Variants in SERINC1 observed in about 807,000 individuals in gnomAD.
SERINC1 encodes serine incorporator 1.
In SERINC1, 38 loss-of-function variants were observed where a neutral mutation model predicts 52.9. The observed-to-expected ratio is 0.72, with a 90% confidence interval of 0.55 to 0.94. The LOEUF (loss-of-function observed/expected upper bound fraction) is 0.94, where lower values mean the gene tolerates loss of function less well. Ranked by LOEUF, SERINC1 falls within the 40% of genes least tolerant of loss-of-function variation. The pLI is 0.00. For synonymous variants in SERINC1, 198 were observed against 183.1 expected, an observed-to-expected ratio of 1.08 and a Z score of -0.66; for missense variants, 471 against 533.9, an observed-to-expected ratio of 0.88 and a Z score of 1.16.
At chr6:122,446,235 G>T (rs1774798055) in intron 9 of SERINC1, among the ~76,000 whole-genome samples, 1 of 151,762 alleles carries the variant, frequency 6.6e-6, no homozygotes, top group African/African-American at 2.4e-5. Flanking sequence ...AAGATTTATG[G>T]ATTAAGTTTG....
intron 5 of SERINC1, among the ~76,000 whole-genome samples, 195 bp downstream of exon 5, chr6:122,453,575 C>T (rs1449217521): frequency 6.6e-6 from 1 of 151,944 alleles, no homozygotes; most frequent in Non-Finnish European, 1.5e-5. Flanking sequence ...GGTTATGTTC[C>T]CAGTTAATCT....
chr6:122,456,681 A>T (rs1775002720), intron 2 of SERINC1, 31 bp from the exon 3 acceptor site: 1 of 1,472,262 alleles, frequency 6.8e-7, no homozygotes. Flanking sequence ...ATGATCCATC[A>T]TTTTTTTTCA....
At chr6:122,450,636 C>A (rs537093137) in intron 7 of SERINC1, among the ~76,000 whole-genome samples, 15 of 152,252 alleles carry the variant, frequency 9.9e-5, no homozygotes, top group Non-Finnish European at 2.9e-5. Context: ...GGAAAAGATT[C>A]ACCATTCTAG....
Position 122,445,142 on chromosome 6 carries a change from C to G in SERINC1, c.1264G>C (p.Ala422Pro). 1.2e-6 allele frequency: 2 copies of G among 1,614,088 alleles called. No individual in the cohort carries two copies. Among genetic ancestry groups the G allele is most frequent in the Admixed American group, 1.7e-5 (1 of 60,038 alleles). Residue 422 changes from alanine (A) to proline (P), a missense_variant, in exon 10 of 10, where the codon GCT (alanine) becomes CCT (proline). Transcript: ENST00000339697. ...CTGGAAGAGATTTTCACCCAGACAGCTGTCCACTGACTTTTCATCTCACGA... is the reference window on the plus strand; with the variant it reads ...CTGGAAGAGATTTTCACCCAGACAGGTGTCCACTGACTTTTCATCTCACGA... The part of the protein sequence containing the change: ...PSREMKSQWT[A>P]VWVKISSSWI...
intron 3 of SERINC1, chr6:122,454,704 A>C (rs550413116): frequency 6.5e-6 from 1 of 154,176 alleles, no homozygotes; most frequent in African/African-American, 2.4e-5. Flanking sequence ...CCCCAGTTAA[A>C]GTAGGCGCTT....
intron 1 of SERINC1, among the ~76,000 whole-genome samples, chr6:122,459,727 A>G (rs964418687): frequency 1.2e-4 from 18 of 152,208 alleles, no homozygotes; most frequent in African/African-American, 4.3e-4. Flanking sequence ...GAAAAATAAA[A>G]AATATTTTTT....
At chr6:122,459,048 C>G (rs904949297) in intron 1 of SERINC1, among the ~76,000 whole-genome samples, 3 of 152,230 alleles carry the variant, frequency 2.0e-5, no homozygotes, top group South Asian at 4.1e-4. Flanking sequence ...CTTTAGCCCC[C>G]AGATACTAGA....
chr6:122,468,231 T>C, intron 1 of SERINC1, among the ~76,000 whole-genome samples: 1 of 152,238 alleles, frequency 6.6e-6, no homozygotes, highest in South Asian at 2.1e-4. Context: ...ATACAATGTT[T>C]TTCTTAAACT....
At chr6:122,454,051 C>G (rs1774956561) in intron 4 of SERINC1, 100 bp downstream of exon 4, 1 of 1,123,700 alleles carries the variant, frequency 8.9e-7, no homozygotes, top group Non-Finnish European at 1.3e-6. Context: ...CACACACACA[C>G]CCCCAAACAA....
At chr6:122,457,832 C>T (rs577048620) in intron 2 of SERINC1, among the ~76,000 whole-genome samples, 29 of 147,492 alleles carry the variant, frequency 2.0e-4, no homozygotes, top group East Asian at 8.0e-4. Context: ...TACATGTACA[C>T]GATACAATAC....
intron 5 of SERINC1, among the ~76,000 whole-genome samples, chr6:122,452,840 C>T (rs1774935221): frequency 6.6e-6 from 1 of 151,960 alleles, no homozygotes; most frequent in African/African-American, 2.4e-5. Context: ...TCTTTGAGCA[C>T]CAAATTATTT....
chr6:122,460,870 C>T (rs549503976), intron 1 of SERINC1, among the ~76,000 whole-genome samples: 4 of 152,148 alleles, frequency 2.6e-5, no homozygotes, highest in Non-Finnish European at 5.9e-5. Context: ...GATAATGTTA[C>T]GGACAGACAT....
intron 1 of SERINC1, among the ~76,000 whole-genome samples, chr6:122,468,417 T>C (rs1329772632): frequency 6.6e-6 from 1 of 152,186 alleles, no homozygotes; most frequent in Non-Finnish European, 1.5e-5. Flanking sequence ...TCTGCAGATA[T>C]TGCCAAATGC....
chr6:122,446,893 G>A lies in SERINC1; in HGVS notation c.1107C>T (p.Asp369=), dbSNP rs766721944. Residue 369 remains aspartate (D), a synonymous_variant, in exon 9 of 10, where the codon GAC becomes GAT. Coordinates refer to ENST00000339697, the MANE Select transcript of SERINC1 (RefSeq NM_020755.4). Reference sequence around the variant, plus strand: ...CATTATCTACAGCTCGGTGAACATCGTCCCCATCCTCCAGTGATCCATCAC... The same window carrying A: ...CATTATCTACAGCTCGGTGAACATCATCCCCATCCTCCAGTGATCCATCAC... ...ARSDGSLEDG[D]DVHRAVDNER... is the part of the protein sequence containing the mutation. 1.3e-5 allele frequency: 21 copies of A among 1,612,620 alleles called. No homozygotes were observed. The highest frequency in any genetic ancestry group is 1.6e-4 in the Middle Eastern group (1 of 6,082).
intron 9 of SERINC1, 104 bp downstream of exon 9, chr6:122,446,658 CATTTTGAAATAT>C: frequency 1.5e-6 from 1 of 668,390 alleles, no homozygotes; most frequent in South Asian, 1.9e-5. Context: ...TTTAGCTGTA[CATTTTGAAATAT>C]ATCAGAGGAT....
rs1419833663 is a variant in SERINC1, at chr6:122,457,649, TG to T, written c.201+870del. On this transcript the variant is annotated intron_variant, in intron 2 of 9. Transcript: ENST00000339697. ...CTTTCAAAAATGTAAGATGGCCATG[TG>T]TAAACCAGGAATAAGATCCTCATCA... 3.9e-5 allele frequency among the ~76,000 whole-genome samples: 6 copies of T among 152,090 alleles called. 1 individual carries two copies. The highest frequency in any genetic ancestry group is 1.4e-4 in the African/African-American group (6 of 41,408).
At chr6:122,453,719 C>G (rs775584716) in intron 5 of SERINC1, 51 bp downstream of exon 5, 1 of 1,485,054 alleles carries the variant, frequency 6.7e-7, no homozygotes, top group Non-Finnish European at 9.1e-7. Context: ...CATATCTATT[C>G]TCGACTTCAA....
At position 122,443,934 on chromosome 6, in the gene SERINC1, T is replaced by C. The variant is rs1233501250; in HGVS notation, c.*1110A>G. 6.6e-6 allele frequency: 1 copy of C among 152,172 alleles called. No individual in the cohort carries two copies. Among genetic ancestry groups the C allele is most frequent in the Non-Finnish European group, 1.5e-5 (1 of 68,020 alleles). 9.4% of individuals were successfully genotyped at this position (152,172 alleles called of 1,614,324 possible). A position where few individuals can be genotyped will look rare whatever the true frequency, so the allele number is the denominator to read the frequency against. On this transcript the variant is annotated 3_prime_UTR_variant, in exon 10 of 10. Transcript: ENST00000339697. Reference sequence around the variant, plus strand: ...AGAACTGGACTAGATTTTATATAAGTACCTACTAAAGCCTAGTGTTTTGCA... The same window carrying C: ...AGAACTGGACTAGATTTTATATAAGCACCTACTAAAGCCTAGTGTTTTGCA...
At chr6:122,458,432 C>G (rs1775039008) in intron 2 of SERINC1, 88 bp downstream of exon 2, 1 of 842,156 alleles carries the variant, frequency 1.2e-6, no homozygotes, top group African/African-American at 1.7e-5. Flanking sequence ...CTATATTATT[C>G]TGTTTACAAT....
Sources: allele counts gnomAD v4.1 joint callset (sites outside exome capture counted in the v4.1 genomes callset), GRCh38; gene constraint gnomAD v4.1.1; transcripts MANE v1.5; gene names NCBI Gene and HGNC (gene_info 2026-07-23, HGNC 2026-07-21).